The following SAMD3 variants were observed in gnomAD, a reference collection of about 807,000 sequenced individuals.
SAMD3 encodes the protein sterile alpha motif domain-containing protein 3.
In SAMD3, 63 loss-of-function variants were observed where a neutral mutation model predicts 58.5. The ratio of observed to expected loss-of-function variants is 1.08; its 90% CI spans 0.88 to 1.33. The LOEUF (loss-of-function observed/expected upper bound fraction) is 1.33, where lower values mean the gene tolerates loss of function less well. Among genes scored for constraint, SAMD3 ranks in the 40% most tolerant of loss-of-function variants. SAMD3 has a pLI of 0.00. For synonymous variants in SAMD3, 220 were observed against 210.3 expected (o/e 1.05, Z -0.40); for missense variants, 604 against 608.4 (o/e 0.99, Z 0.08).
intron 4 of SAMD3, 82 bp from the exon 5 acceptor site, chr6:130,209,690 G>T: frequency 1.2e-6 from 1 of 812,610 alleles, no homozygotes; most frequent in Non-Finnish European, 2.0e-6. Context: ...GGTAGCACCA[G>T]CCCAGAGTAA....
intron 2 of SAMD3, among the ~76,000 whole-genome samples, chr6:130,306,509 G>A (rs1775915152): frequency 6.6e-6 from 1 of 152,196 alleles, no homozygotes; most frequent in South Asian, 2.1e-4. Context: ...ACTCTCACAG[G>A]TGGCTGCCAC....
chr6:130,287,076 C>T (rs1444743623), intron 2 of SAMD3, among the ~76,000 whole-genome samples: 1 of 152,176 alleles, frequency 6.6e-6, no homozygotes, highest in African/African-American at 2.4e-5. Flanking sequence ...ACTTTGGATG[C>T]CACATTTCTT....
At chr6:130,223,324 C>G (rs757233378), upstream of SAMD3, among the ~76,000 whole-genome samples, 5 of 152,196 alleles carry the variant, frequency 3.3e-5, no homozygotes, top group Non-Finnish European at 7.3e-5. Flanking sequence ...AACTAAAATG[C>G]ACAAACCTTT....
chr6:130,252,958 C>T (rs181965373), intron 2 of SAMD3, among the ~76,000 whole-genome samples: 1 of 152,180 alleles, frequency 6.6e-6, no homozygotes, highest in Non-Finnish European at 1.5e-5. Context: ...TCCATACTTA[C>T]AGAAAACGCC....
chr6:130,243,365 T>A (rs1219152800), intron 2 of SAMD3, among the ~76,000 whole-genome samples: 1 of 152,058 alleles, frequency 6.6e-6, no homozygotes, highest in Non-Finnish European at 1.5e-5. Context: ...AGAAGACACC[T>A]CTACCTCTAC....
chr6:130,324,714 G>T (rs1350722614), intron 1 of SAMD3, among the ~76,000 whole-genome samples: 1 of 151,636 alleles, frequency 6.6e-6, no homozygotes, highest in African/African-American at 2.4e-5. Flanking sequence ...CAAAAAATCT[G>T]AACATTATCC....
At chr6:130,237,680 G>C (rs1773209973) in intron 2 of SAMD3, among the ~76,000 whole-genome samples, 1 of 152,090 alleles carries the variant, frequency 6.6e-6, no homozygotes, top group Non-Finnish European at 1.5e-5. Context: ...TATACACAAG[G>C]AGAGTGAGGC....
At chr6:130,182,495 T>C (rs1262430843) in intron 7 of SAMD3, among the ~76,000 whole-genome samples, 1 of 148,638 alleles carries the variant, frequency 6.7e-6, no homozygotes, top group Non-Finnish European at 1.5e-5. Context: ...CCATATATAA[T>C]GAACCTTTTC....
intron 1 of SAMD3, among the ~76,000 whole-genome samples, chr6:130,339,667 C>G (rs866926028): frequency 1.3e-5 from 2 of 152,150 alleles, no homozygotes; most frequent in African/African-American, 4.8e-5. Flanking sequence ...GTTTTTTATA[C>G]CAGTATGAGA....
At chr6:130,276,755 A>G (rs4897395) in intron 2 of SAMD3, among the ~76,000 whole-genome samples, 47,216 of 151,888 alleles carry the variant, frequency 0.31, 7,699 homozygotes, top group East Asian at 0.47. Context: ...TTAGCCAAGT[A>G]GAAGACAGGA....
At chr6:130,337,009 A>C (rs958420192) in intron 1 of SAMD3, among the ~76,000 whole-genome samples, 6 of 152,210 alleles carry the variant, frequency 3.9e-5, no homozygotes, top group Non-Finnish European at 8.8e-5. Context: ...CACAAATGCA[A>C]ATTGGGCAAT....
intron 7 of SAMD3, among the ~76,000 whole-genome samples, chr6:130,180,728 G>A (rs980817026): frequency 1.3e-5 from 2 of 151,976 alleles, no homozygotes; most frequent in African/African-American, 4.8e-5. Flanking sequence ...GTTACAACTG[G>A]GTGGACAGAG....
At chr6:130,176,154 C>T (rs1176622871) in intron 7 of SAMD3, 146 bp from the exon 8 acceptor site, 2 of 716,944 alleles carry the variant, frequency 2.8e-6, no homozygotes, top group Non-Finnish European at 5.0e-6. Flanking sequence ...ATATATCTAT[C>T]CTTCCTTTTA....
At chr6:130,263,399 G>T (rs988619830) in intron 2 of SAMD3, among the ~76,000 whole-genome samples, 1 of 152,052 alleles carries the variant, frequency 6.6e-6, no homozygotes, top group African/African-American at 2.4e-5. Flanking sequence ...CTCGTCAAAA[G>T]GTGGAAAGAA....
At chr6:130,284,462 A>G (rs1775090432) in intron 2 of SAMD3, among the ~76,000 whole-genome samples, 1 of 152,180 alleles carries the variant, frequency 6.6e-6, no homozygotes, top group Non-Finnish European at 1.5e-5. Flanking sequence ...AAATCATTTT[A>G]AAGAGAAATC....
Position 130,352,096 on chromosome 6 carries a change from G to A in SAMD3, c.-304+13024C>T, listed in dbSNP as rs552870628. Reference sequence around the variant, plus strand: ...GGGGAGGGGGGAGGGATAGTATTAGGAGAAATACCTAATGTTAAATGACGA... The same window carrying A: ...GGGGAGGGGGGAGGGATAGTATTAGAAGAAATACCTAATGTTAAATGACGA... On this transcript the variant is annotated intron_variant, in intron 1 of 13. Coordinates refer to the SAMD3 transcript ENST00000368134. Among the ~76,000 whole-genome samples, 29 of 151,454 alleles carry A rather than the reference G, an allele frequency of 1.9e-4. No individual in the cohort carries two copies. In the South Asian group the frequency reaches 4.8e-3, roughly 25 times the overall value.
downstream of SAMD3, among the ~76,000 whole-genome samples, chr6:130,143,472 G>A (rs557330197): frequency 6.6e-6 from 1 of 152,234 alleles, no homozygotes; most frequent in South Asian, 2.1e-4. Flanking sequence ...TCGAACTCCT[G>A]ACCTCAGGTG....
intron 9 of SAMD3, among the ~76,000 whole-genome samples, chr6:130,150,757 G>A (rs1365601700): frequency 1.3e-5 from 2 of 151,352 alleles, no homozygotes; most frequent in East Asian, 1.9e-4. Context: ...CATCGCCCAG[G>A]CTGGAGTCCA....
At chr6:130,295,838 C>T (rs1444323938) in intron 2 of SAMD3, among the ~76,000 whole-genome samples, 1 of 152,202 alleles carries the variant, frequency 6.6e-6, no homozygotes, top group African/African-American at 2.4e-5. Context: ...CTGCCACTTC[C>T]CTGCCCTTCT....
Sources: allele counts gnomAD v4.1 joint callset (sites outside exome capture counted in the v4.1 genomes callset), GRCh38; gene constraint gnomAD v4.1.1; transcripts MANE v1.5; gene names NCBI Gene and HGNC (gene_info 2026-07-23, HGNC 2026-07-21).